Variants in STXBP3 observed in about 807,000 individuals in gnomAD.
STXBP3 encodes the protein syntaxin binding protein 3, also known as syntaxin-binding protein 3.
Under a neutral mutation model 85.7 loss-of-function variants are expected in STXBP3, and 41 were observed. That is an observed-to-expected ratio of 0.48 (90% CI 0.37 to 0.62). The LOEUF (loss-of-function observed/expected upper bound fraction) is 0.62. Ranked by LOEUF, STXBP3 falls within the 20% of genes least tolerant of loss-of-function variation. The probability of loss-of-function intolerance (pLI) is 0.00; values close to 1 mark genes in which losing one functional copy is unlikely to be tolerated. For synonymous variants in STXBP3, 229 were observed against 231.7 expected (o/e 0.99, Z 0.10); for missense variants, 563 against 703.1 (o/e 0.80, Z 2.25).
intron 11 of STXBP3, among the ~76,000 whole-genome samples, chr1:108,787,206 G>A (rs1490558624): frequency 1.3e-5 from 2 of 152,050 alleles, no homozygotes; most frequent in Non-Finnish European, 2.9e-5. Flanking sequence ...CTGAATTCAA[G>A]CAATCCCCCC....
At chr1:108,802,676 G>T (rs1020236793) in intron 17 of STXBP3, among the ~76,000 whole-genome samples, 1 of 152,148 alleles carries the variant, frequency 6.6e-6, no homozygotes, top group Non-Finnish European at 1.5e-5. Flanking sequence ...TCAATTTGTT[G>T]TCTGCCTATG....
At chr1:108,795,577 A>G (rs547403232) in intron 13 of STXBP3, among the ~76,000 whole-genome samples, 181 of 152,190 alleles carry the variant, frequency 1.2e-3, no homozygotes, top group African/African-American at 4.0e-3. Context: ...AAAGTTATTA[A>G]TTAGATAATT....
chr1:108,807,255 C>G (rs1663358446), intron 17 of STXBP3, 146 bp from the exon 18 acceptor site: 1 of 714,710 alleles, frequency 1.4e-6, no homozygotes, highest in Non-Finnish European at 2.0e-6. Flanking sequence ...GAGACTCCAC[C>G]TCAAAAAAAA....
chr1:108,753,892 A>G lies in STXBP3; in HGVS notation c.181+748A>G, dbSNP rs543239564. On this transcript the variant is annotated intron_variant, in intron 3 of 18. Coordinates refer to ENST00000370008, the MANE Select transcript of STXBP3 (RefSeq NM_007269.4). ...AATCTGAGGCTCCAAGTGAAATATA[A>G]TTCATTTATATTTTGGATCCTAATG... Among the ~76,000 whole-genome samples, 4 of 152,180 alleles carry G rather than the reference A, an allele frequency of 2.6e-5. No homozygotes were observed. In the South Asian group the frequency reaches 6.2e-4, roughly 24 times the overall value.
intron 11 of STXBP3, among the ~76,000 whole-genome samples, chr1:108,789,922 C>T (rs976097509): frequency 1.3e-5 from 2 of 148,698 alleles, no homozygotes; most frequent in Non-Finnish European, 3.0e-5. Flanking sequence ...AAAAATTAGC[C>T]ATGTGTGATG....
intron 6 of STXBP3, among the ~76,000 whole-genome samples, chr1:108,764,476 G>A (rs937960781): frequency 1.1e-4 from 16 of 152,212 alleles, no homozygotes; most frequent in African/African-American, 3.9e-4. Flanking sequence ...TCACCACACT[G>A]TCTTCCACAA....
intron 1 of STXBP3, among the ~76,000 whole-genome samples, chr1:108,748,959 T>C (rs1277024): frequency 0.26 from 39,084 of 152,018 alleles, 5,398 homozygotes; most frequent in African/African-American, 0.32. Context: ...TAAGCAAGAG[T>C]GAGCATTTGA....
intron 1 of STXBP3, 105 bp from the exon 2 acceptor site, chr1:108,752,152 T>C: frequency 2.0e-6 from 2 of 1,019,506 alleles, no homozygotes; most frequent in Non-Finnish European, 2.9e-6. Flanking sequence ...TTTTATGTAG[T>C]TTAACAAATT....
At position 108,794,809 on chromosome 1, in the gene STXBP3, A is replaced by G. The variant is rs1475553846; in HGVS notation, c.1030-18A>G. The G allele has an allele frequency of 2.5e-6, 4 of 1,602,520 alleles. No homozygotes were observed. Among genetic ancestry groups the G allele is most frequent in the East Asian group, 2.2e-5 (1 of 44,624 alleles). On this transcript the variant is annotated intron_variant, in intron 12 of 18. Transcript: ENST00000370008. Reference sequence around the variant, plus strand: ...GTCATTAAAATCCTTTAAATGATTGATTTCTTCTGTTTTTCAGCAAGTTGT... The same window carrying G: ...GTCATTAAAATCCTTTAAATGATTGGTTTCTTCTGTTTTTCAGCAAGTTGT...
intron 1 of STXBP3, 61 bp from the exon 2 acceptor site, chr1:108,752,196 C>G: frequency 6.7e-7 from 1 of 1,503,120 alleles, no homozygotes. Flanking sequence ...ATTTTGGACC[C>G]TTTGGATTAC....
In STXBP3 at chr1:108,808,946, G is replaced by C; in HGVS notation, c.*69G>C. ...ACTAAAATAGAAAGAAAATGTTGCT[G>C]TCATGTAATTTAAACAATGTAAATA... On this transcript the variant is annotated 3_prime_UTR_variant, in exon 19 of 19. Coordinates refer to ENST00000370008, the MANE Select transcript of STXBP3 (RefSeq NM_007269.4). 1.9e-6 allele frequency: 2 copies of C among 1,062,006 alleles called. No homozygotes were observed. The highest frequency in any genetic ancestry group is 2.9e-5 in the South Asian group (2 of 68,668). The allele number at this position is 1,062,006 out of a possible 1,614,324, so 65.8% of individuals were successfully genotyped here. A position where few individuals can be genotyped will look rare whatever the true frequency, so the allele number is the denominator to read the frequency against.
At chr1:108,791,450 C>T (rs966832493) in intron 11 of STXBP3, among the ~76,000 whole-genome samples, 1 of 151,942 alleles carries the variant, frequency 6.6e-6, no homozygotes, top group Non-Finnish European at 1.5e-5. Flanking sequence ...GTCCCATCCT[C>T]TCTCTTCTCT....
chr1:108,748,115 C>CT (rs201631398), intron 1 of STXBP3, among the ~76,000 whole-genome samples: 3,367 of 144,226 alleles, frequency 0.023, 52 homozygotes, highest in Middle Eastern at 0.068. Flanking sequence ...CTGTGACTTC[C>CT]TTTTTTTTAA....
At chr1:108,762,741 A>G (rs186615483) in intron 6 of STXBP3, among the ~76,000 whole-genome samples, 4 of 152,222 alleles carry the variant, frequency 2.6e-5, no homozygotes, top group Admixed American at 1.3e-4. Context: ...TGCCACCATC[A>G]TGTTGAAGCA....
chr1:108,782,458 TGAA>T lies in STXBP3; in HGVS notation c.855_857del (p.Glu285del), dbSNP rs753476249. 20 of 1,613,810 alleles carry T rather than the reference TGAA, an allele frequency of 1.2e-5. No individual in the cohort carries two copies. Among genetic ancestry groups the T allele is most frequent in the Non-Finnish European group, 1.6e-5 (19 of 1,179,840 alleles). Reference sequence around the variant, plus strand: ...ATGGAAAAGAAAAGGAGGCCATCCTTGAAGAAGAAGATGACCTCTGGGTTAGAA... The same window carrying T: ...ATGGAAAAGAAAAGGAGGCCATCCTTGAAGAAGATGACCTCTGGGTTAGAA... On this transcript the variant is annotated inframe_deletion, in exon 10 of 19. Coordinates refer to ENST00000370008, the MANE Select transcript of STXBP3 (RefSeq NM_007269.4).
rs35813823 is a variant in STXBP3 at position 108,765,570 on chromosome 1, A to ATTTTTTTTTTTTTTTTTTTTTTTTTTTTT, written c.438+5507_438+5508insTTTTTTTTTTTTTTTTTTTTTTTTTTTTT. ...TCATGGTAAAAAGCACCACATGCTA[A>ATTTTTTTTTTTTTTTTTTTTTTTTTTTTT]TTTTTTTTTTTTTTTTTTTTTTGAG... On this transcript the variant is annotated intron_variant, in intron 6 of 18. Coordinates refer to ENST00000370008, the MANE Select transcript of STXBP3 (RefSeq NM_007269.4). Among the ~76,000 whole-genome samples the ATTTTTTTTTTTTTTTTTTTTTTTTTTTTT allele has an allele frequency of 6.0e-5, 4 of 67,168 alleles. 2 individuals are homozygous for ATTTTTTTTTTTTTTTTTTTTTTTTTTTTT. The highest frequency in any genetic ancestry group is 1.2e-4 in the Non-Finnish European group (4 of 32,162). The allele number at this position is 67,168 out of a possible 152,430, so 44.1% of individuals were successfully genotyped here.
Position 108,782,527 on chromosome 1 carries a change from C to T in STXBP3, c.905+10C>T. ...TTGCGGTTGTGTTAGAGTATGTGAA[C>T]TCATTTTAATTTTTGTTCCATAATT... On this transcript the variant is annotated intron_variant, in intron 10 of 18. Coordinates refer to ENST00000370008, the MANE Select transcript of STXBP3 (RefSeq NM_007269.4). 3.1e-6 allele frequency: 5 copies of T among 1,611,032 alleles called. No individual in the cohort carries two copies. Among genetic ancestry groups the T allele is most frequent in the Non-Finnish European group, 4.2e-6 (5 of 1,178,760 alleles).
At chr1:108,772,898 G>C (rs1041049413) in intron 7 of STXBP3, 79 bp downstream of exon 7, 2 of 1,306,316 alleles carry the variant, frequency 1.5e-6, no homozygotes, top group African/African-American at 1.5e-5. Flanking sequence ...TCTGTACCTT[G>C]GCATGTTGGT....
intron 1 of STXBP3, among the ~76,000 whole-genome samples, chr1:108,748,504 A>C (rs572954919): frequency 3.3e-5 from 5 of 152,156 alleles, no homozygotes; most frequent in Non-Finnish European, 7.4e-5. Context: ...CCTGGGTGAC[A>C]GAGCAAGACC....
Sources: allele counts gnomAD v4.1 joint callset (sites outside exome capture counted in the v4.1 genomes callset), GRCh38; gene constraint gnomAD v4.1.1; transcripts MANE v1.5; gene names NCBI Gene and HGNC (gene_info 2026-07-23, HGNC 2026-07-21).